Variants in PDE4B observed in about 807,000 individuals in gnomAD.
PDE4B encodes 3',5'-cyclic-AMP phosphodiesterase 4B.
In PDE4B, 20 loss-of-function variants were observed where a neutral mutation model predicts 82.2. The observed-to-expected ratio is 0.24, with a 90% CI of 0.17 to 0.35. PDE4B has a LOEUF of 0.35. Among genes scored for constraint, PDE4B ranks in the 10% least tolerant of loss-of-function variants. PDE4B has a pLI of 1.00. For synonymous variants in PDE4B, 320 were observed against 318.9 expected, an observed-to-expected ratio of 1.00 and a Z score of -0.04; for missense variants, 655 against 907.2, an observed-to-expected ratio of 0.72 and a Z score of 3.57.
intron 1 of PDE4B, among the ~76,000 whole-genome samples, chr1:65,861,138 A>G (rs1646449725): frequency 6.6e-6 from 1 of 152,106 alleles, no homozygotes; most frequent in African/African-American, 2.4e-5. Context: ...TAGGTCCTGA[A>G]CGGTATTGCC....
chr1:66,137,166 A>G (rs562373184), intron 3 of PDE4B, among the ~76,000 whole-genome samples: 1 of 152,308 alleles, frequency 6.6e-6, no homozygotes, highest in Admixed American at 6.5e-5. Flanking sequence ...GAAAACAGGC[A>G]TAGTGAGGGC....
At chr1:66,106,006 C>T (rs903323372) in intron 3 of PDE4B, among the ~76,000 whole-genome samples, 1 of 152,120 alleles carries the variant, frequency 6.6e-6, no homozygotes, top group Admixed American at 6.6e-5. Context: ...GAGGGCATCC[C>T]TGTCTTGTGC....
chr1:65,831,995 A>C (rs939841313), intron 1 of PDE4B, among the ~76,000 whole-genome samples: 5 of 152,202 alleles, frequency 3.3e-5, no homozygotes, highest in Non-Finnish European at 7.4e-5. Context: ...CTGGAGAAAG[A>C]GATCAGTCAT....
intron 3 of PDE4B, among the ~76,000 whole-genome samples, chr1:65,939,004 A>G (rs1011990660): frequency 1.3e-5 from 2 of 152,196 alleles, no homozygotes; most frequent in African/African-American, 4.8e-5. Flanking sequence ...AGTCCAAGTG[A>G]GCAATGACAA....
intron 3 of PDE4B, among the ~76,000 whole-genome samples, chr1:66,186,740 C>T (rs754663052): frequency 5.3e-5 from 8 of 152,064 alleles, no homozygotes; most frequent in Admixed American, 2.6e-4. Context: ...TGGGCTGAGA[C>T]CATGGGGTTT....
At chr1:65,966,812 G>A (rs904539581) in intron 3 of PDE4B, among the ~76,000 whole-genome samples, 1 of 152,196 alleles carries the variant, frequency 6.6e-6, no homozygotes, top group Non-Finnish European at 1.5e-5. Context: ...AATAAATGGT[G>A]TTGGGAAAAC....
intron 7 of PDE4B, among the ~76,000 whole-genome samples, chr1:66,298,342 C>A (rs556461140): frequency 2.5e-4 from 38 of 152,150 alleles, no homozygotes; most frequent in African/African-American, 8.9e-4. Flanking sequence ...ACCTAATAGG[C>A]CTTACTTAGT....
At chr1:66,315,308 C>G (rs1177243609) in intron 7 of PDE4B, among the ~76,000 whole-genome samples, 2 of 152,220 alleles carry the variant, frequency 1.3e-5, no homozygotes, top group African/African-American at 2.4e-5. Flanking sequence ...TGTTTTATTA[C>G]TATTAAACAT....
intron 1 of PDE4B, among the ~76,000 whole-genome samples, chr1:65,801,192 G>A (rs1645691030): frequency 3.3e-5 from 5 of 152,128 alleles, no homozygotes. Flanking sequence ...GCAAGGATGA[G>A]GAATAAATCC....
intron 3 of PDE4B, among the ~76,000 whole-genome samples, chr1:65,943,351 T>G (rs1648544017): frequency 6.6e-6 from 1 of 151,988 alleles, no homozygotes; most frequent in Non-Finnish European, 1.5e-5. Context: ...TCTGTTCTTT[T>G]GGTCTATGTA....
chr1:66,087,762 G>A (rs2937269), intron 3 of PDE4B, among the ~76,000 whole-genome samples: 37,569 of 150,806 alleles, frequency 0.25, 5,225 homozygotes, highest in East Asian at 0.41. Context: ...GTAAACTATC[G>A]CAGGAACAAA....
chr1:65,930,653 C>T (rs975393534), intron 3 of PDE4B, among the ~76,000 whole-genome samples: 1 of 152,204 alleles, frequency 6.6e-6, no homozygotes, highest in Admixed American at 6.5e-5. Flanking sequence ...GGGCCTGTAG[C>T]CCTGTTCTTT....
intron 3 of PDE4B, among the ~76,000 whole-genome samples, chr1:66,223,584 A>G (rs1651178927): frequency 6.6e-6 from 1 of 152,144 alleles, no homozygotes; most frequent in Non-Finnish European, 1.5e-5. Context: ...GATTTCCTCC[A>G]TCCCTAGACT....
chr1:65,966,284 A>G (rs1212597445), intron 3 of PDE4B, among the ~76,000 whole-genome samples: 1 of 152,204 alleles, frequency 6.6e-6, no homozygotes, highest in Non-Finnish European at 1.5e-5. Flanking sequence ...ATCATGAGTG[A>G]ACTCCCATTC....
intron 3 of PDE4B, among the ~76,000 whole-genome samples, chr1:66,033,450 A>C (rs1217489741): frequency 6.6e-6 from 1 of 152,200 alleles, no homozygotes; most frequent in Admixed American, 6.5e-5. Context: ...GCTTCTTTGA[A>C]TTCTGCTCTA....
chr1:65,832,701 A>T (rs974438404), intron 1 of PDE4B, among the ~76,000 whole-genome samples: 3 of 152,232 alleles, frequency 2.0e-5, no homozygotes, highest in Non-Finnish European at 2.9e-5. Flanking sequence ...TCCTGGTAGG[A>T]TAGAAGTCAA....
intron 9 of PDE4B, among the ~76,000 whole-genome samples, chr1:66,356,523 C>T (rs2102009108): frequency 6.6e-6 from 1 of 152,348 alleles, no homozygotes; most frequent in Middle Eastern, 3.4e-3. Context: ...TATGAAACCT[C>T]ACTTTCCAGG....
chr1:65,935,946 C>A (rs1406855269), intron 3 of PDE4B, among the ~76,000 whole-genome samples: 1 of 151,798 alleles, frequency 6.6e-6, no homozygotes, highest in African/African-American at 2.4e-5. Context: ...TCAAAAAAAA[C>A]AAAACAACAA....
At chr1:65,886,465 A>G (rs540613396) in intron 1 of PDE4B, among the ~76,000 whole-genome samples, 3 of 152,168 alleles carry the variant, frequency 2.0e-5, no homozygotes, top group Non-Finnish European at 4.4e-5. Context: ...GCTATTGAAC[A>G]TTAGAACTTA....
Sources: allele counts gnomAD v4.1 joint callset (sites outside exome capture counted in the v4.1 genomes callset), GRCh38; gene constraint gnomAD v4.1.1; transcripts MANE v1.5; gene names NCBI Gene and HGNC (gene_info 2026-07-23, HGNC 2026-07-21).